Variants in MACROD2 observed in about 807,000 individuals in gnomAD.
MACROD2 encodes mono-ADP ribosylhydrolase 2.
Under a neutral mutation model 70.4 loss-of-function variants are expected in MACROD2, and 36 were observed. That is an observed-to-expected ratio of 0.51 (90% CI 0.39 to 0.68). The LOEUF is 0.68. Ranked by LOEUF, MACROD2 falls within the 30% of genes least tolerant of loss-of-function variation. The pLI is 0.00. For synonymous variants in MACROD2, 172 were observed against 178.8 expected, an observed-to-expected ratio of 0.96 and a Z score of 0.30; for missense variants, 496 against 538.4, an observed-to-expected ratio of 0.92 and a Z score of 0.78.
At chr20:15,651,470 C>T (rs982292685) in intron 8 of MACROD2, among the ~76,000 whole-genome samples, 9 of 152,186 alleles carry the variant, frequency 5.9e-5, no homozygotes, top group South Asian at 2.1e-4. Flanking sequence ...TTGTACCAAA[C>T]ACCAGGGTCG....
At chr20:15,586,242 C>T (rs2048600083) in intron 8 of MACROD2, among the ~76,000 whole-genome samples, 1 of 152,154 alleles carries the variant, frequency 6.6e-6, no homozygotes, top group African/African-American at 2.4e-5. Flanking sequence ...TACTTCACCC[C>T]CAGTGACTCT....
At chr20:14,439,080 C>T (rs541559106) in intron 3 of MACROD2, among the ~76,000 whole-genome samples, 2 of 152,210 alleles carry the variant, frequency 1.3e-5, no homozygotes, top group South Asian at 4.1e-4. Context: ...GATTTTTGTA[C>T]ATGATGTAAG....
At chr20:14,877,493 A>C (rs534831771) in intron 5 of MACROD2, among the ~76,000 whole-genome samples, 53 of 152,116 alleles carry the variant, frequency 3.5e-4, no homozygotes, top group African/African-American at 1.2e-3. Flanking sequence ...ACTATGTTGA[A>C]TAGGAGTGGT....
intron 6 of MACROD2, among the ~76,000 whole-genome samples, chr20:15,272,301 T>C (rs185946090): frequency 6.6e-6 from 1 of 152,206 alleles, no homozygotes; most frequent in African/African-American, 2.4e-5. Context: ...TTCACAAAAA[T>C]ATTGGAAAGT....
intron 5 of MACROD2, among the ~76,000 whole-genome samples, chr20:14,745,413 G>A (rs1240870135): frequency 6.6e-6 from 1 of 152,130 alleles, no homozygotes; most frequent in Non-Finnish European, 1.5e-5. Flanking sequence ...GAATATCATG[G>A]CTGATGGGTG....
chr20:14,423,205 T>C (rs908797869), intron 3 of MACROD2, among the ~76,000 whole-genome samples: 1 of 152,212 alleles, frequency 6.6e-6, no homozygotes, highest in South Asian at 2.1e-4. Context: ...GAGGGGCAAG[T>C]ATGAATAAAG....
chr20:15,334,373 T>G (rs2078025869), intron 6 of MACROD2, among the ~76,000 whole-genome samples: 1 of 151,656 alleles, frequency 6.6e-6, no homozygotes, highest in Non-Finnish European at 1.5e-5. Flanking sequence ...TTCACTCTAT[T>G]AATGGCAAAT....
intron 8 of MACROD2, among the ~76,000 whole-genome samples, chr20:15,628,746 T>A (rs2049244188): frequency 6.6e-6 from 1 of 152,226 alleles, no homozygotes; most frequent in South Asian, 2.1e-4. Context: ...TTGGTGGGGA[T>A]GACTGAAAGT....
intron 2 of MACROD2, among the ~76,000 whole-genome samples, chr20:14,042,528 T>C (rs531126062): frequency 2.2e-4 from 33 of 152,268 alleles, no homozygotes; most frequent in African/African-American, 7.2e-4. Context: ...AGACAGAGTC[T>C]CACGCTGTCG....
intron 8 of MACROD2, among the ~76,000 whole-genome samples, chr20:15,767,869 G>A (rs76162306): frequency 0.02 from 3,106 of 152,004 alleles, 110 homozygotes; most frequent in African/African-American, 0.071. Flanking sequence ...TTTAACCACC[G>A]ATTGCCAAAG....
At chr20:14,919,858 C>T (rs1030531803) in intron 5 of MACROD2, among the ~76,000 whole-genome samples, 1 of 152,184 alleles carries the variant, frequency 6.6e-6, no homozygotes, top group African/African-American at 2.4e-5. Flanking sequence ...CAAGGCTCCA[C>T]CTGCCGTGGC....
At chr20:15,407,234 G>A (rs1311853268) in intron 6 of MACROD2, among the ~76,000 whole-genome samples, 4 of 152,170 alleles carry the variant, frequency 2.6e-5, no homozygotes, top group Admixed American at 6.5e-5. Flanking sequence ...TCAGTTACAG[G>A]CGAGCCAGAA....
chr20:14,414,929 GTT>G (rs11479088), intron 3 of MACROD2, among the ~76,000 whole-genome samples: 27 of 145,018 alleles, frequency 1.9e-4, no homozygotes, highest in South Asian at 4.4e-4. Flanking sequence ...CCTGCTTTAT[GTT>G]TTTTTTTTTT....
intron 5 of MACROD2, among the ~76,000 whole-genome samples, chr20:14,934,189 G>A (rs558483733): frequency 6.6e-6 from 1 of 152,248 alleles, no homozygotes; most frequent in South Asian, 2.1e-4. Flanking sequence ...CCATCTGTCT[G>A]CCCTTCTGGC....
chr20:15,763,170 G>A (rs987934832), intron 8 of MACROD2, among the ~76,000 whole-genome samples: 12 of 152,076 alleles, frequency 7.9e-5, no homozygotes, highest in South Asian at 4.2e-4. Context: ...GACCCTCTGC[G>A]CACCGCCACT....
intron 7 of MACROD2, among the ~76,000 whole-genome samples, chr20:15,452,325 A>G (rs563050124): frequency 2.0e-5 from 3 of 152,294 alleles, no homozygotes; most frequent in African/African-American, 7.2e-5. Flanking sequence ...AAATTAGAAG[A>G]TGGCAGGAAG....
intron 3 of MACROD2, among the ~76,000 whole-genome samples, chr20:14,463,983 G>T (rs867168822): frequency 3.9e-5 from 6 of 152,050 alleles, no homozygotes; most frequent in Admixed American, 1.3e-4. Context: ...AAGGATATTG[G>T]TCTAAAATTC....
intron 8 of MACROD2, among the ~76,000 whole-genome samples, chr20:15,520,605 A>T (rs1214524620): frequency 1.3e-5 from 2 of 152,224 alleles, no homozygotes; most frequent in African/African-American, 2.4e-5. Context: ...AACTGCCATG[A>T]CAATTAATCC....
At chr20:14,351,335 G>A (rs1203690430) in intron 3 of MACROD2, among the ~76,000 whole-genome samples, 1 of 151,964 alleles carries the variant, frequency 6.6e-6, no homozygotes, top group Non-Finnish European at 1.5e-5. Context: ...ATTGCTCTGG[G>A]TGGTATGGAT....
Sources: allele counts gnomAD v4.1 joint callset (sites outside exome capture counted in the v4.1 genomes callset), GRCh38; gene constraint gnomAD v4.1.1; transcripts MANE v1.5; gene names NCBI Gene and HGNC (gene_info 2026-07-23, HGNC 2026-07-21).